The following INPP5B variants were observed in gnomAD, a reference collection of about 807,000 sequenced individuals.
The protein encoded by INPP5B is inositol polyphosphate-5-phosphatase B.
A neutral mutation model predicts 118.5 loss-of-function variants in INPP5B; 90 were observed. The observed-to-expected ratio is 0.76, with a 90% CI of 0.64 to 0.90. The LOEUF (loss-of-function observed/expected upper bound fraction) is 0.90. Among genes scored for constraint, INPP5B ranks in the 40% least tolerant of loss-of-function variants. The pLI, the probability that INPP5B is intolerant of heterozygous loss-of-function variation, is 0.00. For missense variants in INPP5B, 984 were observed against 1,125.6 expected, an observed-to-expected ratio of 0.87 and a Z score of 1.80; for synonymous variants, 385 against 418.9, an observed-to-expected ratio of 0.92 and a Z score of 0.99.
intron 7 of INPP5B, among the ~76,000 whole-genome samples, chr1:37,896,457 T>A (rs1644074634): frequency 6.8e-6 from 1 of 146,576 alleles, no homozygotes; most frequent in East Asian, 2.2e-4. Context: ...AGCTGCCCCG[T>A]CCGGGAGGGA....
chr1:37,865,500 G>GT (rs1641973328), intron 22 of INPP5B, among the ~76,000 whole-genome samples: 1 of 152,192 alleles, frequency 6.6e-6, no homozygotes, highest in Admixed American at 6.5e-5. Flanking sequence ...AGAGAGGATG[G>GT]GTGATAGATC....
intron 6 of INPP5B, among the ~76,000 whole-genome samples, chr1:37,936,110 G>A (rs1645678936): frequency 6.6e-6 from 1 of 152,008 alleles, no homozygotes; most frequent in African/African-American, 2.4e-5. Context: ...TTCCCCATAA[G>A]CTATAGGGCA....
At chr1:37,941,502 A>G (rs1239161259) in intron 5 of INPP5B, among the ~76,000 whole-genome samples, 1 of 151,876 alleles carries the variant, frequency 6.6e-6, no homozygotes, top group African/African-American at 2.4e-5. Context: ...ATCTCTATAA[A>G]AAATTAGCCA....
intron 6 of INPP5B, among the ~76,000 whole-genome samples, chr1:37,937,747 A>G (rs906468257): frequency 6.6e-6 from 1 of 152,022 alleles, no homozygotes; most frequent in Non-Finnish European, 1.5e-5. Context: ...AGCCTGGGCG[A>G]CAGAGCCAGA....
chr1:37,896,211 G>C (rs1043131579), intron 7 of INPP5B, among the ~76,000 whole-genome samples: 4 of 150,208 alleles, frequency 2.7e-5, no homozygotes, highest in African/African-American at 9.8e-5. Flanking sequence ...CGCCCCGTCT[G>C]AGAAGTGAGG....
In INPP5B at chr1:37,889,677, G is replaced by A; in HGVS notation, c.677C>T (p.Thr226Ile). ...SEITDMVRSSTITVSDKAHIL... is the reference protein window; with the variant it reads ...SEITDMVRSSIITVSDKAHIL... ...ATGAGCCTTGTCCGACACTGTGATA[G>A]TGGAGGAGCGAACCATGTCAGTAAT... The change falls in exon 9 of 24, where the codon ACT becomes ATT. Residue 226 changes from threonine (T) to isoleucine (I), a missense_variant. By Grantham distance (89) the Thr-to-Ile change is moderately conservative (BLOSUM62 -1). This residue lies in a region of INPP5B where 350 missense variants were observed against 334.6 expected (regional missense o/e 1.05). Transcript: ENST00000373024. 1 of 1,613,670 alleles carries A rather than the reference G, an allele frequency of 6.2e-7. No individual in the cohort carries two copies.
At chr1:37,875,945 A>G (rs1399370176) in intron 16 of INPP5B, among the ~76,000 whole-genome samples, 1 of 152,194 alleles carries the variant, frequency 6.6e-6, no homozygotes, top group South Asian at 2.1e-4. Flanking sequence ...AAAAAAATAC[A>G]TGGAAGTGAA....
At chr1:37,893,348 G>A (rs1643904112) in intron 7 of INPP5B, among the ~76,000 whole-genome samples, 1 of 152,014 alleles carries the variant, frequency 6.6e-6, no homozygotes, top group South Asian at 2.1e-4. Flanking sequence ...GCCTCTCAAA[G>A]TGCTGGGATT....
Position 37,935,308 on chromosome 1 carries a change from C to G in INPP5B, c.392-3255G>C, listed in dbSNP as rs562469107. 9.2e-3 allele frequency among the ~76,000 whole-genome samples: 1,379 copies of G among 150,372 alleles called. 13 individuals carry two copies. The highest frequency in any genetic ancestry group is 0.017 in the South Asian group (82 of 4,712). On this transcript the variant is annotated intron_variant, in intron 6 of 23. Transcript: ENST00000373024. ...CCGGGTTCAAGCGATTCTCCCGCCT[C>G]AGCCTCCCGAGTAGCTGGGACTACA...
Position 37,889,575 on chromosome 1 carries a change from G to C in INPP5B, c.779C>G (p.Thr260Ser), listed in dbSNP as rs1352072079. ...TAGCTACCTGAAGTTCTGGATATAG[G>C]TGTAATCCTCTTCTTTCTGTAGTAG... ...SHLLQKEEDY[T>S]YIQNFRFFAG... Residue 260 changes from threonine to serine, a missense_variant, in exon 9 of 24, where the codon ACC becomes AGC. Physicochemically the swap from Thr to Ser is moderately conservative, Grantham distance 58. Coordinates refer to ENST00000373024, the MANE Select transcript of INPP5B (RefSeq NM_005540.3). 6.2e-7 allele frequency: 1 copy of C among 1,613,578 alleles called. No individual in the cohort carries two copies. The highest frequency in any genetic ancestry group is 1.3e-5 in the African/African-American group (1 of 74,918).
Position 37,887,405 on chromosome 1 carries a change from T to C in INPP5B, c.960A>G (p.Glu320=), listed in dbSNP as rs1382795001. The change falls in exon 11 of 24, where the codon GAA becomes GAG. Residue 320 remains glutamate (E), a synonymous_variant. Transcript: ENST00000373024. ...AFFFHDTPKE[E]EWFKAVSEGL... is the part of the protein sequence containing the mutation. ...CCTCTGACACAGCTTTGAACCACTCTTCCTCCTTTGGGGTATCGTGAAAGA... is the reference window on the plus strand; with the variant it reads ...CCTCTGACACAGCTTTGAACCACTCCTCCTCCTTTGGGGTATCGTGAAAGA... 2 of 1,613,988 alleles carry C rather than the reference T, an allele frequency of 1.2e-6. No individual in the cohort carries two copies. Among genetic ancestry groups the C allele is most frequent in the Non-Finnish European group, 1.7e-6 (2 of 1,179,880 alleles).
chr1:37,867,854 T>C (rs1279877331), intron 20 of INPP5B, among the ~76,000 whole-genome samples: 1 of 152,040 alleles, frequency 6.6e-6, no homozygotes, highest in African/African-American at 2.4e-5. Context: ...TATCAACAAG[T>C]TGGCCCCACC....
intron 7 of INPP5B, among the ~76,000 whole-genome samples, chr1:37,921,704 A>T (rs968953678): frequency 7.2e-5 from 11 of 152,158 alleles, no homozygotes; most frequent in Admixed American, 2.0e-4. Flanking sequence ...AAAATTTTTT[A>T]AAAATAATAA....
At chr1:37,893,085 C>CTTTTTTTTTTTTTTTTTTT (rs71053999) in intron 7 of INPP5B, among the ~76,000 whole-genome samples, 1 of 81,436 alleles carries the variant, frequency 1.2e-5, no homozygotes, top group Non-Finnish European at 2.2e-5. Context: ...TTTTCTTTTT[C>CTTTTTTTTTTTTTTTTTTT]TTTTTTTTTT....
rs186199531 is a variant in INPP5B, at chr1:37,872,231, G to A, written c.2187+699C>T. On this transcript the variant is annotated intron_variant, in intron 19 of 23. Transcript: ENST00000373024. Reference sequence around the variant, plus strand: ...AAAACACACAAAATATTAGCCAGGCGTGGTGGCGCATGCCTGTAGTCCCAG... The same window carrying A: ...AAAACACACAAAATATTAGCCAGGCATGGTGGCGCATGCCTGTAGTCCCAG... 1.4e-4 allele frequency among the ~76,000 whole-genome samples: 22 copies of A among 151,806 alleles called. No homozygotes were observed. The East Asian group carries it at 3.7e-3, about 25-fold the overall frequency.
intron 7 of INPP5B, among the ~76,000 whole-genome samples, chr1:37,918,967 A>G (rs557639833): frequency 4.6e-5 from 7 of 152,298 alleles, no homozygotes; most frequent in African/African-American, 1.7e-4. Context: ...GCCTTGTTTT[A>G]CAAATAAGGA....
intron 9 of INPP5B, 32 bp from the exon 10 acceptor site, chr1:37,888,376 G>A (rs765698952): frequency 1.3e-5 from 18 of 1,355,244 alleles, no homozygotes; most frequent in Admixed American, 4.6e-5. Flanking sequence ...TAGTGACTCC[G>A]AATCACTATG....
At chr1:37,934,711 G>C (rs1645618836) in intron 6 of INPP5B, among the ~76,000 whole-genome samples, 1 of 152,114 alleles carries the variant, frequency 6.6e-6, no homozygotes, top group Non-Finnish European at 1.5e-5. Flanking sequence ...TTTCTCTGCT[G>C]GTTACCCCAG....
At chr1:37,901,023 G>T (rs1016944363) in intron 7 of INPP5B, among the ~76,000 whole-genome samples, 1 of 152,100 alleles carries the variant, frequency 6.6e-6, no homozygotes, top group Admixed American at 6.6e-5. Flanking sequence ...TGTTGGTCAG[G>T]CTGGTCTCGA....
Sources: allele counts gnomAD v4.1 joint callset (sites outside exome capture counted in the v4.1 genomes callset), GRCh38; gene constraint gnomAD v4.1.1; regional missense constraint gnomAD v4.1.1; transcripts MANE v1.5; gene names NCBI Gene and HGNC (gene_info 2026-07-23, HGNC 2026-07-21).